The following KIF6 variants were observed in gnomAD, a reference collection of about 807,000 sequenced individuals.
KIF6 encodes the protein kinesin-like protein KIF6.
In KIF6, 106 loss-of-function variants were observed where a neutral mutation model predicts 112.7. That is an observed-to-expected ratio of 0.94 (90% CI 0.80 to 1.11). KIF6 has a LOEUF of 1.11. KIF6 is among the 50% of genes least tolerant of loss of function. The pLI is 0.00. For synonymous variants in KIF6, 339 were observed against 339.9 expected (o/e 1.00, Z 0.03); for missense variants, 929 against 964.0 (o/e 0.96, Z 0.48).
intron 13 of KIF6, among the ~76,000 whole-genome samples, chr6:39,532,069 G>A (rs936752838): frequency 6.6e-6 from 1 of 152,054 alleles, no homozygotes; most frequent in South Asian, 2.1e-4. Flanking sequence ...CCGCTTTTGG[G>A]ATTTTCCTGG....
At chr6:39,712,753 G>T (rs556076768) in intron 3 of KIF6, among the ~76,000 whole-genome samples, 1 of 152,050 alleles carries the variant, frequency 6.6e-6, no homozygotes, top group Non-Finnish European at 1.5e-5. Flanking sequence ...ATTGAACAAT[G>T]AAAACACTTG....
At chr6:39,338,860 C>A (rs546837631) in intron 22 of KIF6, among the ~76,000 whole-genome samples, 1 of 143,322 alleles carries the variant, frequency 7.0e-6, no homozygotes, top group South Asian at 2.3e-4. Flanking sequence ...GTGAACGCTG[C>A]CGGTGGTAGG....
At chr6:39,582,514 C>G (rs1781349785) in intron 9 of KIF6, among the ~76,000 whole-genome samples, 1 of 152,138 alleles carries the variant, frequency 6.6e-6, no homozygotes, top group Non-Finnish European at 1.5e-5. Flanking sequence ...TGGGTTCAAG[C>G]AATTCTCCTG....
chr6:39,366,927 T>A (rs1765602638), intron 16 of KIF6, among the ~76,000 whole-genome samples: 1 of 151,424 alleles, frequency 6.6e-6, no homozygotes, highest in African/African-American at 2.4e-5. Flanking sequence ...ACAAAGCTAC[T>A]CCAAATTGAA....
At position 39,362,514 on chromosome 6, in the gene KIF6, G is replaced by A; in HGVS notation, c.1866C>T (p.Ile622=). Residue 622 remains isoleucine (I), a synonymous_variant, in exon 17 of 23, where the codon ATC becomes ATT. Transcript: ENST00000287152. ...TCAGAGGCACGGCCATGTTTTCCGA[G>A]ATTCCTGTAGAAGGAAGGTGCCAAT... ...QRHIQQVALG[I]SENMAVPLMP... is the part of the protein sequence containing the mutation. 6.2e-7 allele frequency: 1 copy of A among 1,612,342 alleles called. No individual in the cohort carries two copies. The highest frequency in any genetic ancestry group is 8.5e-7 in the Non-Finnish European group (1 of 1,178,312).
intron 13 of KIF6, among the ~76,000 whole-genome samples, chr6:39,529,603 A>G (rs941618413): frequency 2.0e-5 from 3 of 152,122 alleles, no homozygotes; most frequent in Non-Finnish European, 4.4e-5. Flanking sequence ...TGGTTAACAC[A>G]GTGAAACCCC....
chr6:39,431,183 T>C (rs748815529), intron 13 of KIF6, 22 bp from the exon 14 acceptor site: 4 of 1,371,878 alleles, frequency 2.9e-6, no homozygotes, highest in East Asian at 4.6e-5. Context: ...CACAGGGAAA[T>C]GGCCTCAGTC....
At chr6:39,498,762 A>T (rs1490126646) in intron 13 of KIF6, among the ~76,000 whole-genome samples, 1 of 152,120 alleles carries the variant, frequency 6.6e-6, no homozygotes, top group Non-Finnish European at 1.5e-5. Context: ...GGAAGAGGAG[A>T]TGATAACTTT....
chr6:39,697,955 C>A (rs148528261), intron 3 of KIF6, among the ~76,000 whole-genome samples: 15 of 152,270 alleles, frequency 9.9e-5, no homozygotes, highest in African/African-American at 3.6e-4. Flanking sequence ...ATCTTAATAT[C>A]TCCTTAGCAC....
At chr6:39,489,838 G>C (rs994184538) in intron 13 of KIF6, among the ~76,000 whole-genome samples, 4 of 152,202 alleles carry the variant, frequency 2.6e-5, no homozygotes, top group African/African-American at 7.2e-5. Context: ...CTTTAGAGCA[G>C]CGCACAGAGA....
At chr6:39,697,113 C>A (rs1788586596) in intron 3 of KIF6, among the ~76,000 whole-genome samples, 1 of 152,100 alleles carries the variant, frequency 6.6e-6, no homozygotes, top group Non-Finnish European at 1.5e-5. Flanking sequence ...GGTTTATCTG[C>A]CAAGTTTGTT....
At chr6:39,601,500 T>A (rs1249875671) in intron 6 of KIF6, among the ~76,000 whole-genome samples, 1 of 152,138 alleles carries the variant, frequency 6.6e-6, no homozygotes, top group Non-Finnish European at 1.5e-5. Context: ...TGCAACTGTT[T>A]ATCAAAATCC....
intron 9 of KIF6, among the ~76,000 whole-genome samples, chr6:39,584,459 A>AAAAAAAAAACAC (rs1561836472): frequency 7.8e-6 from 1 of 128,594 alleles, no homozygotes; most frequent in African/African-American, 3.0e-5. Flanking sequence ...AAAAAAAAAA[A>AAAAAAAAAACAC]AGACTATTAT....
chr6:39,339,325 C>T (rs1190789291), intron 22 of KIF6, among the ~76,000 whole-genome samples: 1 of 152,156 alleles, frequency 6.6e-6, no homozygotes, highest in Non-Finnish European at 1.5e-5. Flanking sequence ...GGAATCTGTA[C>T]ATGACAGACA....
chr6:39,352,289 G>A (rs538768469), intron 19 of KIF6, among the ~76,000 whole-genome samples: 1 of 152,272 alleles, frequency 6.6e-6, no homozygotes, highest in African/African-American at 2.4e-5. Context: ...ATGAACTAAA[G>A]TCCATGGTTT....
chr6:39,377,734 A>C (rs1038471476), intron 16 of KIF6, among the ~76,000 whole-genome samples: 25 of 152,168 alleles, frequency 1.6e-4, no homozygotes, highest in Admixed American at 1.6e-3. Flanking sequence ...GCAGCTTCAG[A>C]GCCTCTCTCC....
At position 39,603,278 on chromosome 6, in the gene KIF6, G is replaced by C. The variant is rs185494513; in HGVS notation, c.640-7018C>G. ...GGCTTGGAGCAGCAATGTGACTGTG[G>C]AGGCAGGGGTTGATGCTGCTTTGTT... On this transcript the variant is annotated intron_variant, in intron 6 of 22. Coordinates refer to ENST00000287152, the MANE Select transcript of KIF6 (RefSeq NM_145027.6). Among the ~76,000 whole-genome samples, 4 of 152,220 alleles carry C rather than the reference G, an allele frequency of 2.6e-5. No homozygotes were observed. The East Asian group carries it at 5.8e-4, about 22-fold the overall frequency.
intron 3 of KIF6, among the ~76,000 whole-genome samples, chr6:39,641,875 T>G (rs1784919304): frequency 6.6e-6 from 1 of 152,184 alleles, no homozygotes; most frequent in African/African-American, 2.4e-5. Flanking sequence ...TACCCCCATC[T>G]ACTGTGGGAT....
intron 13 of KIF6, among the ~76,000 whole-genome samples, chr6:39,460,969 AC>A (rs1406476643): frequency 2.0e-5 from 3 of 152,182 alleles, no homozygotes; most frequent in Non-Finnish European, 4.4e-5. Context: ...CTTCTGAGAA[AC>A]CGTTCATCAC....
Sources: allele counts gnomAD v4.1 joint callset (sites outside exome capture counted in the v4.1 genomes callset), GRCh38; gene constraint gnomAD v4.1.1; transcripts MANE v1.5; gene names NCBI Gene and HGNC (gene_info 2026-07-23, HGNC 2026-07-21).